The following ELP4 variants were observed in gnomAD, a reference collection of about 807,000 sequenced individuals.
ELP4 encodes the protein elongator acetyltransferase complex subunit 4.
ELP4 carries 51 observed loss-of-function variants against 48.9 expected under a neutral mutation model. That is an observed-to-expected ratio of 1.04 (90% CI 0.83 to 1.32). The LOEUF (loss-of-function observed/expected upper bound fraction) is 1.32, where lower values mean the gene tolerates loss of function less well. Among genes scored for constraint, ELP4 ranks in the 40% most tolerant of loss-of-function variants. ELP4 has a pLI of 0.00. For synonymous variants in ELP4, 210 were observed against 189.2 expected, an observed-to-expected ratio of 1.11 and a Z score of -0.90; for missense variants, 519 against 514.6, an observed-to-expected ratio of 1.01 and a Z score of -0.08.
At chr11:31,778,385 G>A (rs1447897275) in intron 9 of ELP4, among the ~76,000 whole-genome samples, 1 of 152,180 alleles carries the variant, frequency 6.6e-6, no homozygotes, top group Non-Finnish European at 1.5e-5. Flanking sequence ...TCAGATTCCA[G>A]GCAGACTGAG....
Position 31,619,926 on chromosome 11 carries a change from A to G in ELP4, c.654-7184A>G, listed in dbSNP as rs115855929. Among the ~76,000 whole-genome samples the G allele has an allele frequency of 1.5e-3, 224 of 152,106 alleles. 1 individual carries two copies. Among genetic ancestry groups the G allele is most frequent in the African/African-American group, 5.1e-3 (213 of 41,526 alleles). On this transcript the variant is annotated intron_variant, in intron 5 of 9. Coordinates refer to ENST00000640961, the MANE Select transcript of ELP4 (RefSeq NM_019040.5). ...TGTTGCATATTAGAGCTCAACATAC[A>G]AGTGTTGTGGGGACATGAGCATTCA...
chr11:31,699,779 G>A (rs1458156294), intron 9 of ELP4, among the ~76,000 whole-genome samples: 1 of 152,124 alleles, frequency 6.6e-6, no homozygotes, highest in African/African-American at 2.4e-5. Flanking sequence ...TTCATGTATG[G>A]CACATCACCT....
At chr11:31,547,209 A>T (rs1198784938) in intron 3 of ELP4, among the ~76,000 whole-genome samples, 2 of 152,210 alleles carry the variant, frequency 1.3e-5, no homozygotes, top group African/African-American at 4.8e-5. Flanking sequence ...TTGTTTTTTG[A>T]AAGGATCAAC....
At chr11:31,656,482 T>G (rs1461095612) in intron 9 of ELP4, among the ~76,000 whole-genome samples, 2 of 152,070 alleles carry the variant, frequency 1.3e-5, no homozygotes, top group East Asian at 3.9e-4. Flanking sequence ...ATGAATCATC[T>G]TTCTTTGAGA....
intron 9 of ELP4, among the ~76,000 whole-genome samples, chr11:31,688,706 A>G (rs1320466170): frequency 3.9e-5 from 6 of 152,242 alleles, no homozygotes; most frequent in Admixed American, 3.9e-4. Flanking sequence ...AACTTCCAGT[A>G]TTGCTATTAT....
chr11:31,623,388 T>TAAAA (rs1275144366), intron 5 of ELP4, among the ~76,000 whole-genome samples: 3 of 64,800 alleles, frequency 4.6e-5, no homozygotes, highest in African/African-American at 1.4e-4. Context: ...TATATATATA[T>TAAAA]ATAAAACTAG....
intron 9 of ELP4, among the ~76,000 whole-genome samples, chr11:31,750,608 C>T (rs1349706605): frequency 2.0e-5 from 3 of 152,002 alleles, no homozygotes; most frequent in Admixed American, 2.0e-4. Flanking sequence ...TGTTTTCTTC[C>T]ATAAAAAGTG....
chr11:31,537,538 G>A (rs1956520651), intron 2 of ELP4, among the ~76,000 whole-genome samples: 1 of 152,180 alleles, frequency 6.6e-6, no homozygotes, highest in African/African-American at 2.4e-5. Context: ...AAAGAAAATA[G>A]GTTTAATTGG....
intron 9 of ELP4, among the ~76,000 whole-genome samples, chr11:31,698,981 A>AT (rs1370328220): frequency 6.6e-6 from 1 of 152,202 alleles, no homozygotes; most frequent in Non-Finnish European, 1.5e-5. Context: ...GAACAAATAA[A>AT]TGGTCATGAT....
intron 2 of ELP4, among the ~76,000 whole-genome samples, chr11:31,533,022 C>G (rs1417250249): frequency 6.6e-6 from 1 of 151,960 alleles, no homozygotes; most frequent in South Asian, 2.1e-4. Context: ...GTGATCCACC[C>G]GCCTTGGCCT....
chr11:31,546,079 A>T (rs1016740262), intron 3 of ELP4, among the ~76,000 whole-genome samples: 3 of 152,120 alleles, frequency 2.0e-5, no homozygotes, highest in African/African-American at 7.2e-5. Context: ...GCATCAACTA[A>T]CGAGCAAAAT....
intron 9 of ELP4, among the ~76,000 whole-genome samples, chr11:31,725,554 G>A (rs1947058342): frequency 6.6e-6 from 1 of 152,196 alleles, no homozygotes; most frequent in Admixed American, 6.5e-5. Context: ...CTGGGGAATG[G>A]AGTGCCAATC....
intron 9 of ELP4, among the ~76,000 whole-genome samples, chr11:31,737,873 C>T (rs1474438546): frequency 6.6e-6 from 1 of 152,134 alleles, no homozygotes; most frequent in Non-Finnish European, 1.5e-5. Flanking sequence ...CTGTGGAAAA[C>T]AGTGTGGAGG....
At chr11:31,530,736 T>G (rs181914750) in intron 2 of ELP4, among the ~76,000 whole-genome samples, 20 of 152,318 alleles carry the variant, frequency 1.3e-4, no homozygotes, top group African/African-American at 4.3e-4. Context: ...GACAGCTATC[T>G]TATGTCTCTC....
At chr11:31,693,233 T>C (rs1048979198) in intron 9 of ELP4, among the ~76,000 whole-genome samples, 3 of 152,142 alleles carry the variant, frequency 2.0e-5, no homozygotes, top group Admixed American at 2.0e-4. Context: ...TAGGTATACA[T>C]GTGCCATGTT....
At chr11:31,647,971 A>G (rs1206760627) in intron 8 of ELP4, 122 bp downstream of exon 8, 2 of 602,182 alleles carry the variant, frequency 3.3e-6, no homozygotes, top group Non-Finnish European at 6.0e-6. Context: ...CACCTGTTAA[A>G]TATTTTCCAT....
chr11:31,583,340 A>G (rs187245486), intron 3 of ELP4, among the ~76,000 whole-genome samples: 17 of 152,302 alleles, frequency 1.1e-4, no homozygotes, highest in African/African-American at 4.1e-4. Context: ...TGAGATGCAA[A>G]GGATGTTTAT....
At chr11:31,678,710 T>C (rs1945990940) in intron 9 of ELP4, among the ~76,000 whole-genome samples, 2 of 152,164 alleles carry the variant, frequency 1.3e-5, no homozygotes. Context: ...AGAAAGCTAC[T>C]GGTATAAACA....
intron 3 of ELP4, among the ~76,000 whole-genome samples, chr11:31,561,364 ATT>A (rs1350807616): frequency 7.2e-5 from 11 of 152,316 alleles, no homozygotes; most frequent in Non-Finnish European, 1.0e-4. Context: ...GCCAAAGTTC[ATT>A]CTTGTCTCTC....
Sources: allele counts gnomAD v4.1 joint callset (sites outside exome capture counted in the v4.1 genomes callset), GRCh38; gene constraint gnomAD v4.1.1; transcripts MANE v1.5; gene names NCBI Gene and HGNC (gene_info 2026-07-23, HGNC 2026-07-21).